SORCS2: variants seen among roughly 807,000 people sequenced by gnomAD.
SORCS2 encodes VPS10 domain-containing receptor SorCS2.
A neutral mutation model predicts 141.6 loss-of-function variants in SORCS2; 100 were observed. The observed-to-expected ratio is 0.71, with a 90% CI of 0.60 to 0.83. SORCS2 has a LOEUF of 0.83. Ranked by LOEUF, SORCS2 falls within the 40% of genes least tolerant of loss-of-function variation. The pLI is 0.00. For synonymous variants in SORCS2, 789 were observed against 676.9 expected (o/e 1.17, Z -2.57); for missense variants, 1,646 against 1,560.2 (o/e 1.05, Z -0.93).
At chr4:7,323,331 T>A (rs1719024373) in intron 1 of SORCS2, among the ~76,000 whole-genome samples, 1 of 152,154 alleles carries the variant, frequency 6.6e-6, no homozygotes, top group Non-Finnish European at 1.5e-5. Flanking sequence ...TAAAGCAAGT[T>A]GGTTTCCCAG....
chr4:7,216,729 C>A (rs1478342421), intron 1 of SORCS2, among the ~76,000 whole-genome samples: 1 of 152,142 alleles, frequency 6.6e-6, no homozygotes, highest in Admixed American at 6.5e-5. Context: ...ACAATACAGG[C>A]TCCTCTCCCT....
chr4:7,680,291 C>A (rs1455947338), intron 9 of SORCS2, among the ~76,000 whole-genome samples: 5 of 152,252 alleles, frequency 3.3e-5, no homozygotes, highest in African/African-American at 1.2e-4. Context: ...AGGCTCACAC[C>A]CATGCACGTG....
intron 1 of SORCS2, among the ~76,000 whole-genome samples, chr4:7,252,213 G>C (rs1713553593): frequency 6.6e-6 from 1 of 152,172 alleles, no homozygotes; most frequent in Admixed American, 6.5e-5. Flanking sequence ...AAGGAGGCCC[G>C]AGGCAGGAGA....
chr4:7,529,496 G>C (rs1733897233), intron 2 of SORCS2, among the ~76,000 whole-genome samples: 4 of 152,208 alleles, frequency 2.6e-5, no homozygotes, highest in Admixed American at 2.6e-4. Flanking sequence ...GTATGAGCAG[G>C]CTCCTCTGGC....
At chr4:7,654,709 C>G (rs1487189709) in intron 5 of SORCS2, among the ~76,000 whole-genome samples, 1 of 152,230 alleles carries the variant, frequency 6.6e-6, no homozygotes, top group Middle Eastern at 3.2e-3. Context: ...CACCTGGGCC[C>G]CCCTTCCACT....
intron 3 of SORCS2, among the ~76,000 whole-genome samples, chr4:7,626,133 C>A (rs1719501266): frequency 6.6e-6 from 1 of 151,774 alleles, no homozygotes; most frequent in Admixed American, 6.6e-5. Flanking sequence ...GGTGACAGGG[C>A]AAGACCCTGT....
intron 2 of SORCS2, among the ~76,000 whole-genome samples, chr4:7,528,402 GTTT>G (rs35199702): frequency 2.7e-5 from 4 of 147,562 alleles, no homozygotes; most frequent in Middle Eastern, 3.2e-3. Flanking sequence ...CAGCTGCTAC[GTTT>G]TTTTTTTTGT....
At chr4:7,244,731 C>A (rs1712962167) in intron 1 of SORCS2, among the ~76,000 whole-genome samples, 1 of 152,224 alleles carries the variant, frequency 6.6e-6, no homozygotes, top group Admixed American at 6.5e-5. Context: ...CACCTACCTC[C>A]CCCAACTCTT....
intron 1 of SORCS2, among the ~76,000 whole-genome samples, chr4:7,309,818 G>A (rs559593146): frequency 1.1e-3 from 169 of 152,278 alleles, no homozygotes; most frequent in Non-Finnish European, 1.7e-3. Flanking sequence ...GTAACCCACC[G>A]GGAGAGGAGA....
rs966788602 is a variant in SORCS2, at chr4:7,663,809, G to A, written c.953-544G>A. 5.3e-5 allele frequency among the ~76,000 whole-genome samples: 8 copies of A among 152,138 alleles called. No homozygotes were observed. Among genetic ancestry groups the A allele is most frequent in the Admixed American group, 3.3e-4 (5 of 15,280 alleles). On this transcript the variant is annotated intron_variant, in intron 6 of 26. Coordinates refer to ENST00000507866, the MANE Select transcript of SORCS2 (RefSeq NM_020777.3). This position sits in a 1 kb window ranked among gnomAD's most constrained non-coding sequence, Gnocchi z 4.8. ...TTCCTCCTGGCTCACAAGCTGGAAC[G>A]CAGAGCTTCCTGAGGCCTCCAGGAT...
At chr4:7,347,211 G>T (rs1483161476) in intron 1 of SORCS2, among the ~76,000 whole-genome samples, 1 of 152,150 alleles carries the variant, frequency 6.6e-6, no homozygotes, top group African/African-American at 2.4e-5. Flanking sequence ...ACCACACGGG[G>T]TCACCTGTCT....
intron 2 of SORCS2, among the ~76,000 whole-genome samples, chr4:7,399,992 T>A (rs1056265387): frequency 1.3e-5 from 2 of 152,226 alleles, no homozygotes; most frequent in East Asian, 3.9e-4. Flanking sequence ...CCCAAGACTT[T>A]GCATTTCTAA....
chr4:7,481,079 A>C (rs1476904428), intron 2 of SORCS2, among the ~76,000 whole-genome samples: 1 of 152,316 alleles, frequency 6.6e-6, no homozygotes, highest in East Asian at 1.9e-4. Context: ...AAGTAGCCCT[A>C]AGAGGCATTC....
chr4:7,610,228 A>G (rs1284168637), intron 3 of SORCS2, among the ~76,000 whole-genome samples: 3 of 152,148 alleles, frequency 2.0e-5, no homozygotes, highest in African/African-American at 7.2e-5. Flanking sequence ...TTGGAGAGGG[A>G]CTTTGTGGGA....
rs1037826315 is a variant in SORCS2 at position 7,194,612 on chromosome 4, G to A, written c.480+1486G>A. Among the ~76,000 whole-genome samples, 3 of 151,832 alleles carry A rather than the reference G, an allele frequency of 2.0e-5. No homozygotes were observed. The South Asian group carries it at 6.2e-4, about 32-fold the overall frequency. The stretch of plus-strand genomic sequence containing the variant: ...CCTGGGTGCAGTGGGCCAGCAGGGG[G>A]CAGTCAGGGTGCCGGCTGGGGTGAC... On this transcript the variant is annotated intron_variant, in intron 1 of 26. Coordinates refer to ENST00000507866, the MANE Select transcript of SORCS2 (RefSeq NM_020777.3).
intron 3 of SORCS2, among the ~76,000 whole-genome samples, chr4:7,574,062 T>G (rs1175695048): frequency 1.3e-5 from 2 of 152,266 alleles, no homozygotes; most frequent in Non-Finnish European, 2.9e-5. Context: ...TCCTGAGCCC[T>G]TTGGCATTGC....
intron 14 of SORCS2, among the ~76,000 whole-genome samples, chr4:7,707,729 A>G (rs536260205): frequency 1.3e-5 from 2 of 152,334 alleles, no homozygotes; most frequent in Non-Finnish European, 2.9e-5. Context: ...GGCATGGAAG[A>G]GGCGCTTGAT....
chr4:7,195,211 T>C (rs1359331958), intron 1 of SORCS2, among the ~76,000 whole-genome samples: 1 of 142,444 alleles, frequency 7.0e-6, no homozygotes. Flanking sequence ...GGGGGGAGGA[T>C]TGTGGGTGGG....
chr4:7,275,608 G>T (rs1480532251), intron 1 of SORCS2, among the ~76,000 whole-genome samples: 2 of 152,164 alleles, frequency 1.3e-5, no homozygotes, highest in East Asian at 3.8e-4. Context: ...ACTTTCAGCT[G>T]TCACTTCCTG....
Sources: allele counts gnomAD v4.1 joint callset (sites outside exome capture counted in the v4.1 genomes callset), GRCh38; gene constraint gnomAD v4.1.1; non-coding constraint Gnocchi (gnomAD v3.1); transcripts MANE v1.5; gene names NCBI Gene and HGNC (gene_info 2026-07-23, HGNC 2026-07-21).